ZMYND11: variants seen among roughly 807,000 people sequenced by gnomAD.
ZMYND11 encodes zinc finger MYND-type containing 11.
A neutral mutation model predicts 84.9 loss-of-function variants in ZMYND11; 9 were observed. That is an observed-to-expected ratio of 0.11 (90% CI 0.06 to 0.18). The LOEUF is 0.18. Among genes scored for constraint, ZMYND11 ranks in the 10% least tolerant of loss-of-function variants. ZMYND11 has a pLI of 1.00. For synonymous variants in ZMYND11, 250 were observed against 244.1 expected (o/e 1.02, Z -0.23); for missense variants, 409 against 761.0 (o/e 0.54, Z 5.44).
chr10:237,211 T>G (rs1281020705), intron 5 of ZMYND11, among the ~76,000 whole-genome samples: 2 of 152,222 alleles, frequency 1.3e-5, no homozygotes, highest in East Asian at 3.8e-4. Context: ...TGATGATGAC[T>G]CTTTAAAATG....
At chr10:181,520 G>C (rs969965020) in intron 2 of ZMYND11, among the ~76,000 whole-genome samples, 2 of 152,218 alleles carry the variant, frequency 1.3e-5, no homozygotes, top group Admixed American at 6.5e-5. Flanking sequence ...TCAGGAGGCT[G>C]AGGTGGGAGA....
At position 225,336 on chromosome 10, in the gene ZMYND11, TGTC is replaced by T. The variant is rs373084107; in HGVS notation, c.438+3983_438+3985del. Among the ~76,000 whole-genome samples the T allele has an allele frequency of 3.8e-5, 5 of 131,142 alleles. No homozygotes were observed. In the South Asian group the frequency reaches 1.1e-3, roughly 30 times the overall value. 86.0% of individuals were successfully genotyped at this position (131,142 alleles called of 152,430 possible). On this transcript the variant is annotated intron_variant, in intron 4 of 14. Transcript: ENST00000381604. Reference sequence around the variant, plus strand: ...CTATTTGATAAGATGAATTTTTTGTTGTCGTTGTTTTTTTGTTTTTTATGTGTG... The same window carrying T: ...CTATTTGATAAGATGAATTTTTTGTTGTTGTTTTTTTGTTTTTTATGTGTG...
At chr10:154,800 T>G (rs1408808874) in intron 1 of ZMYND11, 2 of 152,190 alleles carry the variant, frequency 1.3e-5, no homozygotes, top group Non-Finnish European at 1.5e-5. Context: ...AAAATCAATT[T>G]TGTACTGAAT....
chr10:235,492 A>G (rs943301654), intron 4 of ZMYND11, among the ~76,000 whole-genome samples: 10 of 151,922 alleles, frequency 6.6e-5, no homozygotes, highest in African/African-American at 1.9e-4. Context: ...TGCCATGGAC[A>G]CTCTGTCTTG....
intron 2 of ZMYND11, among the ~76,000 whole-genome samples, chr10:207,760 T>G (rs1346641711): frequency 1.3e-5 from 2 of 152,174 alleles, no homozygotes; most frequent in East Asian, 3.8e-4. Flanking sequence ...CCCATCAAGC[T>G]ACCAATGACT....
chr10:184,655 C>T (rs768178181), intron 2 of ZMYND11, among the ~76,000 whole-genome samples: 22 of 152,068 alleles, frequency 1.4e-4, no homozygotes, highest in South Asian at 2.1e-4. Flanking sequence ...TCTGTTTTGT[C>T]GGCTTGTCTT....
chr10:147,313 C>T (rs1839129023), intron 1 of ZMYND11, among the ~76,000 whole-genome samples: 1 of 152,054 alleles, frequency 6.6e-6, no homozygotes, highest in East Asian at 1.9e-4. Context: ...AAGTAGGTAT[C>T]CTTGTCTTGT....
intron 1 of ZMYND11, among the ~76,000 whole-genome samples, chr10:149,314 T>TATC (rs1564268609): frequency 6.7e-6 from 1 of 148,280 alleles, no homozygotes; most frequent in Non-Finnish European, 1.5e-5. Flanking sequence ...TTATTATTAT[T>TATC]ATTATTATTA....
chr10:247,412 A>C lies in ZMYND11; in HGVS notation c.1173A>C (p.Gln391His). The C allele has an allele frequency of 6.2e-7, 1 of 1,614,174 alleles. No homozygotes were observed. Among genetic ancestry groups the C allele is most frequent in the Non-Finnish European group, 8.5e-7 (1 of 1,180,002 alleles). The change falls in exon 12 of 15, where the codon CAA becomes CAC. Residue 391 changes from glutamine (Q) to histidine (H), a missense_variant. Physicochemically the swap from Gln to His is conservative, Grantham distance 24. This residue lies in a region of ZMYND11 where 19 missense variants were observed against 60.5 expected (regional missense o/e 0.31). Coordinates refer to ENST00000381604, the MANE Select transcript of ZMYND11 (RefSeq NM_001370100.5). Reference protein sequence around the residue: ...STSNEQLKVTQEPRAKKGRRN... With the variant: ...STSNEQLKVTHEPRAKKGRRN... ...AATGCCCACAGCTAAAGGTCACTCAAGAACCAAGAGCAAAGAAAGGACGAC... is the reference window on the plus strand; with the variant it reads ...AATGCCCACAGCTAAAGGTCACTCACGAACCAAGAGCAAAGAAAGGACGAC...
chr10:200,934 G>A (rs192126174), intron 2 of ZMYND11, among the ~76,000 whole-genome samples: 1 of 151,808 alleles, frequency 6.6e-6, no homozygotes, highest in East Asian at 1.9e-4. Flanking sequence ...TGCTTCAGAG[G>A]CCAGAAAAAA....
intron 2 of ZMYND11, among the ~76,000 whole-genome samples, chr10:207,949 A>G (rs542518349): frequency 1.3e-5 from 2 of 152,300 alleles, no homozygotes; most frequent in East Asian, 3.9e-4. Context: ...CAAAACAGAC[A>G]TATAGATCAA....
At chr10:180,189 C>A in intron 2 of ZMYND11, 61 bp downstream of exon 2, 1 of 1,378,870 alleles carries the variant, frequency 7.3e-7, no homozygotes. Context: ...GGGGGAAAGG[C>A]CAAAAAAAAT....
chr10:161,986 T>C (rs1418398796), intron 1 of ZMYND11, among the ~76,000 whole-genome samples: 1 of 152,260 alleles, frequency 6.6e-6, no homozygotes, highest in Admixed American at 6.5e-5. Context: ...GAGGCCCAGC[T>C]TTCCGCCTGT....
chr10:188,591 C>CAAA (rs57541654), intron 2 of ZMYND11, among the ~76,000 whole-genome samples: 1 of 120,094 alleles, frequency 8.3e-6, no homozygotes. Flanking sequence ...GACCCTGTCT[C>CAAA]AAAAAAAAAA....
chr10:245,442 A>AT (rs1399833269), intron 10 of ZMYND11, among the ~76,000 whole-genome samples: 1 of 152,228 alleles, frequency 6.6e-6, no homozygotes, highest in Non-Finnish European at 1.5e-5. Flanking sequence ...CTGGAGCGCT[A>AT]TAATTACAGG....
At chr10:238,573 G>T (rs12777848) in intron 6 of ZMYND11, among the ~76,000 whole-genome samples, 1 of 152,024 alleles carries the variant, frequency 6.6e-6, no homozygotes, top group Non-Finnish European at 1.5e-5. Flanking sequence ...AGCCAGGATG[G>T]TCTCGATCTC....
chr10:216,197 T>C (rs556861590), intron 3 of ZMYND11, among the ~76,000 whole-genome samples: 3 of 152,298 alleles, frequency 2.0e-5, no homozygotes, highest in Admixed American at 6.5e-5. Context: ...TAGGCAGCCA[T>C]GGCAAGCAGG....
At chr10:185,663 A>G (rs935271943) in intron 2 of ZMYND11, among the ~76,000 whole-genome samples, 5 of 151,312 alleles carry the variant, frequency 3.3e-5, no homozygotes, top group Non-Finnish European at 2.9e-5. Flanking sequence ...AAAATACAAA[A>G]AATTAGCTGG....
intron 2 of ZMYND11, among the ~76,000 whole-genome samples, chr10:203,512 G>A (rs922808109): frequency 1.3e-5 from 2 of 152,102 alleles, no homozygotes; most frequent in Non-Finnish European, 2.9e-5. Context: ...TGGTTATGGA[G>A]ATTTAACTAT....
Sources: allele counts gnomAD v4.1 joint callset (sites outside exome capture counted in the v4.1 genomes callset), GRCh38; gene constraint gnomAD v4.1.1; regional missense constraint gnomAD v4.1.1; transcripts MANE v1.5; gene names NCBI Gene and HGNC (gene_info 2026-07-23, HGNC 2026-07-21).